Variants in TMEM62 observed in about 807,000 individuals in gnomAD.
TMEM62 encodes the protein transmembrane protein 62.
TMEM62 carries 41 observed loss-of-function variants against 70.4 expected under a neutral mutation model. The observed-to-expected ratio is 0.58, with a 90% CI of 0.45 to 0.76. The LOEUF (loss-of-function observed/expected upper bound fraction) is 0.76. Among genes scored for constraint, TMEM62 ranks in the 30% least tolerant of loss-of-function variants. The pLI is 0.00. For missense variants in TMEM62, 688 were observed against 788.5 expected, an observed-to-expected ratio of 0.87 and a Z score of 1.53; for synonymous variants, 268 against 291.0, an observed-to-expected ratio of 0.92 and a Z score of 0.80.
In TMEM62 at chr15:43,184,562, G is replaced by C; in HGVS notation, c.1908G>C (p.Gln636His). 6.2e-7 allele frequency: 1 copy of C among 1,611,094 alleles called. No individual in the cohort carries two copies. Among genetic ancestry groups the C allele is most frequent in the East Asian group, 2.2e-5 (1 of 44,886 alleles). Residue 636 changes from glutamine to histidine, a missense_variant, in exon 14 of 14, where the codon CAG becomes CAC. Gln to His is a conservative substitution (Grantham distance 24). Coordinates refer to ENST00000260403, the MANE Select transcript of TMEM62 (RefSeq NM_024956.4). ...CCAAGTTTGGAATCTTCATGGTGCA[G>C]TTAAAAAGCCACCTGAGCTCCTGAA... ...NSTKFGIFMV[Q>H]LKSHLSS
chr15:43,157,921 C>T (rs558227536), intron 9 of TMEM62, among the ~76,000 whole-genome samples: 3 of 152,246 alleles, frequency 2.0e-5, no homozygotes, highest in African/African-American at 7.2e-5. Context: ...TCAATCAAGG[C>T]TCTTACATTC....
At chr15:43,139,247 T>C (rs2035670669) in intron 4 of TMEM62, among the ~76,000 whole-genome samples, 1 of 152,248 alleles carries the variant, frequency 6.6e-6, no homozygotes, top group Admixed American at 6.5e-5. Context: ...CTTGCCCATA[T>C]AAGTCCAGGA....
chr15:43,156,533 C>T (rs1442471191), intron 9 of TMEM62, among the ~76,000 whole-genome samples: 1 of 152,070 alleles, frequency 6.6e-6, no homozygotes, highest in East Asian at 1.9e-4. Flanking sequence ...AAATTATTCC[C>T]TGTCTTCACA....
At chr15:43,175,612 C>T (rs144514300) in intron 11 of TMEM62, among the ~76,000 whole-genome samples, 2 of 152,204 alleles carry the variant, frequency 1.3e-5, no homozygotes, top group Non-Finnish European at 2.9e-5. Flanking sequence ...TTTAAAAGCA[C>T]GTTAATTTGG....
chr15:43,146,552 G>A lies in TMEM62; in HGVS notation c.536G>A (p.Gly179Asp), dbSNP rs755250060. 6.2e-7 allele frequency: 1 copy of A among 1,613,752 alleles called. No individual in the cohort carries two copies. Residue 179 changes from glycine to aspartate, a missense_variant, in exon 5 of 14, where the codon GGC becomes GAC. Transcript: ENST00000260403. The stretch of plus-strand genomic sequence containing the variant: ...CATTATGTCCACAGTACTCCCTTTG[G>A]CAACTATTCGTTCATCTGTGTAGAT... ...SFHYVHSTPFGNYSFICVDAT... is the reference protein window; with the variant it reads ...SFHYVHSTPFDNYSFICVDAT...
At position 43,134,261 on chromosome 15, in the gene TMEM62, C is replaced by G; in HGVS notation, c.185C>G (p.Ser62Cys). 1 of 1,614,038 alleles carries G rather than the reference C, an allele frequency of 6.2e-7. No homozygotes were observed. The highest frequency in any genetic ancestry group is 1.1e-5 in the South Asian group (1 of 91,076). Residue 62 changes from serine to cysteine, a missense_variant, in exon 2 of 14, where the codon TCC (serine) becomes TGC (cysteine). By Grantham distance (112) the Ser-to-Cys change is moderately radical (BLOSUM62 -1). Transcript: ENST00000260403. ...TTCAATACCTGTTTTCGGCAGATAT[C>G]CGACATTCACCTGAGCAGGTTTCGA... Reference protein sequence around the residue: ...DSNIFWGLQISDIHLSRFRDP... With the variant: ...DSNIFWGLQICDIHLSRFRDP...
At chr15:43,153,677 T>A (rs1408518862) in intron 8 of TMEM62, among the ~76,000 whole-genome samples, 1 of 151,974 alleles carries the variant, frequency 6.6e-6, no homozygotes, top group East Asian at 1.9e-4. Flanking sequence ...TGTGTGTGTG[T>A]GTGTGTGTGT....
chr15:43,167,210 G>T (rs1024848985), intron 10 of TMEM62, among the ~76,000 whole-genome samples: 1 of 151,374 alleles, frequency 6.6e-6, no homozygotes, highest in Non-Finnish European at 1.5e-5. Flanking sequence ...GGCCGGGCGG[G>T]GGGCTGACCC....
Position 43,134,319 on chromosome 15 carries a change from C to A in TMEM62, c.243C>A (p.Phe81Leu). ...DPGRAVDLEK[F>L]CSETIDIIQP... ...GCAGAGCGGTAGACTTAGAGAAATTCTGTTCTGAAACTATTGACATCATTC... is the reference window on the plus strand; with the variant it reads ...GCAGAGCGGTAGACTTAGAGAAATTATGTTCTGAAACTATTGACATCATTC... The change falls in exon 2 of 14, where the codon TTC (phenylalanine) becomes TTA (leucine). Residue 81 changes from phenylalanine (F) to leucine (L), a missense_variant. Physicochemically the swap from Phe to Leu is conservative, Grantham distance 22. Transcript: ENST00000260403. 1.9e-6 allele frequency: 3 copies of A among 1,614,152 alleles called. No individual in the cohort carries two copies. Among genetic ancestry groups the A allele is most frequent in the Non-Finnish European group, 2.5e-6 (3 of 1,180,024 alleles).
chr15:43,151,926 C>A lies in TMEM62; in HGVS notation c.1003C>A (p.Leu335Ile). Residue 335 changes from leucine (L) to isoleucine (I), a missense_variant, in exon 8 of 14, where the codon CTT becomes ATT. Transcript: ENST00000260403. Reference protein sequence around the residue: ...CGEHEPLERLLHSTHIRVLAF... With the variant: ...CGEHEPLERLIHSTHIRVLAF... Reference sequence around the variant, plus strand: ...TGAACATGAACCACTAGAAAGACTTCTTCACTCAACACACATCAGGTATGT... The same window carrying A: ...TGAACATGAACCACTAGAAAGACTTATTCACTCAACACACATCAGGTATGT... The A allele has an allele frequency of 6.2e-7, 1 of 1,612,472 alleles. No individual in the cohort carries two copies. The highest frequency in any genetic ancestry group is 8.5e-7 in the Non-Finnish European group (1 of 1,179,302).
intron 11 of TMEM62, among the ~76,000 whole-genome samples, chr15:43,171,504 CTAAT>C (rs2040187817): frequency 1.3e-5 from 2 of 151,326 alleles, no homozygotes; most frequent in African/African-American, 2.4e-5. Flanking sequence ...ATTGGAATAA[CTAAT>C]TATTTTACCA....
intron 9 of TMEM62, among the ~76,000 whole-genome samples, chr15:43,159,745 T>C (rs1425229766): frequency 6.6e-6 from 1 of 152,138 alleles, no homozygotes; most frequent in Non-Finnish European, 1.5e-5. Context: ...ATTCAAGAAC[T>C]GGAATGAGCT....
chr15:43,137,433 T>C (rs2035381645), intron 3 of TMEM62, among the ~76,000 whole-genome samples: 2 of 152,276 alleles, frequency 1.3e-5, no homozygotes, highest in South Asian at 4.1e-4. Flanking sequence ...ATCTGAATTT[T>C]GTTAAGATAT....
At chr15:43,178,321 G>T (rs914426247) in intron 11 of TMEM62, among the ~76,000 whole-genome samples, 1 of 151,612 alleles carries the variant, frequency 6.6e-6, no homozygotes, top group African/African-American at 2.4e-5. Flanking sequence ...ATATGAGTTC[G>T]ATATATTGTG....
At chr15:43,139,203 G>A (rs1334344809) in intron 4 of TMEM62, among the ~76,000 whole-genome samples, 1 of 152,100 alleles carries the variant, frequency 6.6e-6, no homozygotes, top group Non-Finnish European at 1.5e-5. Flanking sequence ...GACCTTTGAT[G>A]TTACTATTGT....
intron 11 of TMEM62, among the ~76,000 whole-genome samples, chr15:43,177,554 A>G (rs2040880912): frequency 6.6e-6 from 1 of 152,118 alleles, no homozygotes. Flanking sequence ...ATGCACATGT[A>G]TGTTTATTGT....
intron 10 of TMEM62, among the ~76,000 whole-genome samples, 188 bp downstream of exon 10, chr15:43,160,982 G>C (rs1179992635): frequency 2.0e-5 from 3 of 151,962 alleles, no homozygotes; most frequent in East Asian, 1.9e-4. Flanking sequence ...CTTTATTATA[G>C]TATATTGTTA....
chr15:43,158,645 T>C (rs2038316651), intron 9 of TMEM62, among the ~76,000 whole-genome samples: 1 of 152,208 alleles, frequency 6.6e-6, no homozygotes, highest in Non-Finnish European at 1.5e-5. Flanking sequence ...ATTCACATTT[T>C]CTTTCCTTAT....
At chr15:43,148,617 G>C in intron 5 of TMEM62, 138 bp from the exon 6 acceptor site, 1 of 920,422 alleles carries the variant, frequency 1.1e-6, no homozygotes, top group Non-Finnish European at 1.6e-6. Flanking sequence ...GGTCCATAGA[G>C]GTCATTAACT....
Sources: gnomAD v4.1 joint callset for allele counts (sites outside exome capture counted in the v4.1 genomes callset) on GRCh38, gnomAD v4.1.1 for gene constraint, MANE v1.5 for transcripts, NCBI Gene and HGNC (gene_info 2026-07-23, HGNC 2026-07-21) for gene names.